The following FRMD4B variants were observed in gnomAD, a reference collection of about 807,000 sequenced individuals.
The protein encoded by FRMD4B is FERM domain containing 4B.
FRMD4B carries 74 observed loss-of-function variants against 141.5 expected under a neutral mutation model. The ratio of observed to expected loss-of-function variants is 0.52; its 90% CI spans 0.43 to 0.63. FRMD4B has a LOEUF of 0.63. Ranked by LOEUF, FRMD4B falls within the 30% of genes least tolerant of loss-of-function variation. The probability of loss-of-function intolerance (pLI) is 0.00; values close to 1 mark genes in which losing one functional copy is unlikely to be tolerated. For synonymous variants in FRMD4B, 506 were observed against 467.9 expected, an observed-to-expected ratio of 1.08 and a Z score of -1.05; for missense variants, 1,366 against 1,253.4, an observed-to-expected ratio of 1.09 and a Z score of -1.36.
chr3:69,190,628 T>TG (rs1180055535), intron 17 of FRMD4B, among the ~76,000 whole-genome samples: 3 of 152,176 alleles, frequency 2.0e-5, no homozygotes, highest in Admixed American at 1.3e-4. Flanking sequence ...TTGGCCAGGC[T>TG]GGTCTTGAAC....
At chr3:69,471,396 C>G (rs1474271631) in intron 1 of FRMD4B, 1 of 229,302 alleles carries the variant, frequency 4.4e-6, no homozygotes, top group African/African-American at 2.3e-5. Context: ...TGGCAACGGT[C>G]ACTGCTCAGC....
intron 11 of FRMD4B, among the ~76,000 whole-genome samples, chr3:69,214,880 TG>T (rs1484826543): frequency 1.3e-4 from 2 of 15,208 alleles, no homozygotes; most frequent in Non-Finnish European, 3.9e-4. Context: ...ATAATAATAA[TG>T]AATTTTTTTT....
chr3:69,501,359 A>C (rs377059844), intron 1 of FRMD4B, among the ~76,000 whole-genome samples: 3 of 151,436 alleles, frequency 2.0e-5, no homozygotes, highest in African/African-American at 7.3e-5. Flanking sequence ...TATGGCATAT[A>C]TGTATTACCA....
Position 69,187,932 on chromosome 3 carries a change from T to C in FRMD4B, c.1772-15A>G, listed in dbSNP as rs751320835. 2 of 1,485,014 alleles carry C rather than the reference T, an allele frequency of 1.3e-6. No homozygotes were observed. The highest frequency in any genetic ancestry group is 1.8e-6 in the Non-Finnish European group (2 of 1,088,756). The allele number at this position is 1,485,014 out of a possible 1,614,324, so 92.0% of individuals were successfully genotyped here. On this transcript the variant is annotated splice_polypyrimidine_tract_variant and intron_variant, in intron 18 of 22. Transcript: ENST00000398540. ...GGCATCACTGGCTATAATAAGTAAA[T>C]GGGTGAATGAAAAAATAAGTAGGCA...
chr3:69,190,982 C>A (rs1465726356), intron 17 of FRMD4B, among the ~76,000 whole-genome samples: 1 of 152,304 alleles, frequency 6.6e-6, no homozygotes, highest in Admixed American at 6.5e-5. Context: ...GTTAGAATAA[C>A]GGATGTAAAG....
intron 1 of FRMD4B, among the ~76,000 whole-genome samples, chr3:69,374,100 C>A (rs1468134410): frequency 6.6e-6 from 1 of 152,172 alleles, no homozygotes; most frequent in East Asian, 1.9e-4. Flanking sequence ...AGAGTTTGCA[C>A]TCTAGCATGA....
chr3:69,226,750 C>T (rs1444230148), intron 7 of FRMD4B, among the ~76,000 whole-genome samples: 1 of 152,062 alleles, frequency 6.6e-6, no homozygotes, highest in East Asian at 1.9e-4. Context: ...GAACGAGTGT[C>T]ATATGATGGA....
rs1553691449 is a variant in FRMD4B, at chr3:69,169,375, T to TG, written c.*2485_*2486insC. Among the ~76,000 whole-genome samples, 1 of 124,610 alleles carries TG rather than the reference T, an allele frequency of 8.0e-6. No homozygotes were observed. The highest frequency in any genetic ancestry group is 1.7e-5 in the Non-Finnish European group (1 of 59,464). The allele number at this position is 124,610 out of a possible 152,430, so 81.7% of individuals were successfully genotyped here. A position where few individuals can be genotyped will look rare whatever the true frequency, so the allele number is the denominator to read the frequency against. On this transcript the variant is annotated 3_prime_UTR_variant, in exon 23 of 23. Transcript: ENST00000398540. ...TTTCTTTTTTTTTTTTTTTTTTTTT[T>TG]CTTGAGACAAGGTCTGTTATTGCCT... is the stretch of plus-strand genomic sequence containing the variant.
chr3:69,349,339 G>C lies in FRMD4B; in HGVS notation c.163-35822C>G, dbSNP rs371549368. 3.2e-4 allele frequency among the ~76,000 whole-genome samples: 48 copies of C among 152,284 alleles called. No homozygotes were observed. In the East Asian group the frequency reaches 6.9e-3, roughly 22 times the overall value. ...AAATAAAAGAGGACACAAACAAATG[G>C]AAGAACATTCCATGCTCATGGATAG... On this transcript the variant is annotated intron_variant, in intron 1 of 22. Transcript: ENST00000398540.
Position 69,324,575 on chromosome 3 carries a change from A to T in FRMD4B, c.163-11058T>A, listed in dbSNP as rs958717981. 2.6e-5 allele frequency among the ~76,000 whole-genome samples: 4 copies of T among 152,218 alleles called. No individual in the cohort carries two copies. The East Asian group carries it at 5.8e-4, about 22-fold the overall frequency. ...ACTAGATGTCAGTAGATCCTCCCCC[A>T]TATGTCTCCAGACCTTGCCAAATGT... On this transcript the variant is annotated intron_variant, in intron 1 of 22. Coordinates refer to ENST00000398540, the MANE Select transcript of FRMD4B (RefSeq NM_015123.3).
At chr3:69,373,949 G>A (rs1703900900) in intron 1 of FRMD4B, among the ~76,000 whole-genome samples, 1 of 152,116 alleles carries the variant, frequency 6.6e-6, no homozygotes, top group South Asian at 2.1e-4. Flanking sequence ...AGATAATCTT[G>A]TTTTGTCCCC....
intron 8 of FRMD4B, among the ~76,000 whole-genome samples, chr3:69,222,415 C>T (rs748358781): frequency 7.3e-6 from 1 of 136,548 alleles, no homozygotes; most frequent in Non-Finnish European, 1.5e-5. Context: ...AGCAGTGAGC[C>T]GAGATTGAGC....
At chr3:69,314,054 G>A (rs1430569223) in intron 1 of FRMD4B, among the ~76,000 whole-genome samples, 1 of 138,522 alleles carries the variant, frequency 7.2e-6, no homozygotes, top group African/African-American at 2.7e-5. Context: ...CAGGAGAATG[G>A]CGTGAACCCG....
rs574062666 is a variant in FRMD4B at position 69,207,994 on chromosome 3, C to T, written c.876+8269G>A. On this transcript the variant is annotated intron_variant, in intron 11 of 22. Coordinates refer to ENST00000398540, the MANE Select transcript of FRMD4B (RefSeq NM_015123.3). ...TCCTGGGTTCAAGCAATTCTCTTGC[C>T]TCAGCCTCCCAAGTAGCTGGGATTA... Among the ~76,000 whole-genome samples the T allele has an allele frequency of 1.2e-3, 178 of 152,188 alleles. 1 individual carries two copies. The highest frequency in any genetic ancestry group is 3.9e-3 in the African/African-American group (164 of 41,544).
intron 5 of FRMD4B, 47 bp from the exon 6 acceptor site, chr3:69,250,146 A>G (rs1219718516): frequency 1.6e-6 from 2 of 1,257,390 alleles, no homozygotes; most frequent in African/African-American, 2.9e-5. Context: ...GCTGTCCTAG[A>G]TTGTAGCAAA....
chr3:69,327,504 T>A (rs984678000), intron 1 of FRMD4B, among the ~76,000 whole-genome samples: 2 of 152,222 alleles, frequency 1.3e-5, no homozygotes, highest in Non-Finnish European at 2.9e-5. Flanking sequence ...TTACATTAAT[T>A]ATGGAGTACA....
intron 19 of FRMD4B, among the ~76,000 whole-genome samples, chr3:69,183,766 G>C (rs2092735475): frequency 1.3e-5 from 2 of 151,642 alleles, no homozygotes; most frequent in Non-Finnish European, 2.9e-5. Flanking sequence ...ACAGGCGTGA[G>C]CCACCGCGCC....
chr3:69,173,811 A>G (rs901803389), intron 22 of FRMD4B, among the ~76,000 whole-genome samples: 35 of 152,214 alleles, frequency 2.3e-4, no homozygotes, highest in African/African-American at 8.0e-4. Flanking sequence ...ATAATCTGGG[A>G]TTCAGACAAA....
At chr3:69,461,630 A>AAAAG (rs1463015009) in intron 1 of FRMD4B, among the ~76,000 whole-genome samples, 4 of 147,904 alleles carry the variant, frequency 2.7e-5, no homozygotes, top group Non-Finnish European at 5.9e-5. Flanking sequence ...TCTCAAAAAA[A>AAAAG]AAAAAAAAAA....
Sources: gnomAD v4.1 joint callset for allele counts (sites outside exome capture counted in the v4.1 genomes callset) on GRCh38, gnomAD v4.1.1 for gene constraint, MANE v1.5 for transcripts, NCBI Gene and HGNC (gene_info 2026-07-23, HGNC 2026-07-21) for gene names.